Variants in IQSEC1 observed in about 807,000 individuals in gnomAD.
The protein encoded by IQSEC1 is IQ motif and Sec7 domain ArfGEF 1.
Under a neutral mutation model 91.0 loss-of-function variants are expected in IQSEC1, and 31 were observed. That is an observed-to-expected ratio of 0.34 (90% CI 0.26 to 0.46). The LOEUF (loss-of-function observed/expected upper bound fraction) is 0.46. Among genes scored for constraint, IQSEC1 ranks in the 20% least tolerant of loss-of-function variants. The pLI is 1.00. For missense variants in IQSEC1, 1,388 were observed against 1,575.6 expected (o/e 0.88, Z 2.02); for synonymous variants, 699 against 662.6 (o/e 1.05, Z -0.84).
At chr3:12,932,411 C>T (rs1050600625) in intron 3 of IQSEC1, among the ~76,000 whole-genome samples, 2 of 152,202 alleles carry the variant, frequency 1.3e-5, no homozygotes, top group African/African-American at 4.8e-5. Flanking sequence ...CAGGGTGTGA[C>T]GTCCCTAGTC....
Position 13,272,632 on chromosome 3 carries a change from T to A in IQSEC1, c.272+10079A>T, listed in dbSNP as rs188316055. ...CCGCACACCCCTTTTAGGTGGCGGA[T>A]TTTTACACATCTCGATGTCCGGCAA... On this transcript the variant is annotated intron_variant, in intron 1 of 15. Transcript: ENST00000648114. Among the ~76,000 whole-genome samples, 11 of 152,236 alleles carry A rather than the reference T, an allele frequency of 7.2e-5. No homozygotes were observed. The East Asian group carries it at 1.9e-3, about 27-fold the overall frequency.
chr3:13,162,984 C>A (rs1214039141), intron 2 of IQSEC1, among the ~76,000 whole-genome samples: 1 of 152,108 alleles, frequency 6.6e-6, no homozygotes, highest in Non-Finnish European at 1.5e-5. Context: ...TTCACCCCTG[C>A]ACACAGTCCT....
At chr3:13,036,305 T>C (rs1429373297) in intron 1 of IQSEC1, among the ~76,000 whole-genome samples, 1 of 152,176 alleles carries the variant, frequency 6.6e-6, no homozygotes, top group African/African-American at 2.4e-5. Flanking sequence ...TCATTTAACC[T>C]CTCTGCCTTC....
intron 1 of IQSEC1, among the ~76,000 whole-genome samples, chr3:13,068,514 C>T (rs1281980878): frequency 6.6e-6 from 1 of 152,184 alleles, no homozygotes; most frequent in Non-Finnish European, 1.5e-5. Flanking sequence ...GTTGGGAGGC[C>T]CCAATGCAGT....
intron 2 of IQSEC1, among the ~76,000 whole-genome samples, chr3:13,145,500 C>A (rs1227355417): frequency 2.0e-5 from 3 of 152,114 alleles, no homozygotes; most frequent in Admixed American, 2.0e-4. Flanking sequence ...TCACAGAAGC[C>A]CCCATAGGCT....
At chr3:13,155,870 C>T (rs190170753) in intron 2 of IQSEC1, among the ~76,000 whole-genome samples, 2 of 152,194 alleles carry the variant, frequency 1.3e-5, no homozygotes, top group African/African-American at 2.4e-5. Flanking sequence ...AACACATGGC[C>T]ATCTTAATTG....
intron 1 of IQSEC1, among the ~76,000 whole-genome samples, chr3:13,210,591 C>G (rs1371569989): frequency 6.6e-6 from 1 of 152,230 alleles, no homozygotes; most frequent in Non-Finnish European, 1.5e-5. Flanking sequence ...TAGATTATCC[C>G]AATCTACGCA....
chr3:13,272,590 G>A (rs1002023761), intron 1 of IQSEC1, among the ~76,000 whole-genome samples: 6 of 152,190 alleles, frequency 3.9e-5, no homozygotes, highest in African/African-American at 1.4e-4. Context: ...GGGTCAAAGG[G>A]GATGGTCAGA....
rs142552835 is a variant in IQSEC1, at chr3:13,251,751, C to A, written c.272+30960G>T. On this transcript the variant is annotated intron_variant, in intron 1 of 15. Coordinates refer to the IQSEC1 transcript ENST00000648114. ...AATATTCTAATGAGACAGTCAATGT[C>A]CAAAAGAAGACTCCTGACAGGAGGG... Among the ~76,000 whole-genome samples the A allele has an allele frequency of 4.7e-3, 710 of 152,270 alleles. 5 individuals are homozygous for A. The highest frequency in any genetic ancestry group is 0.01 in the Middle Eastern group (3 of 294).
At chr3:12,938,489 G>GATCAAAATGA (rs1698437854) in intron 2 of IQSEC1, among the ~76,000 whole-genome samples, 1 of 152,186 alleles carries the variant, frequency 6.6e-6, no homozygotes, top group Non-Finnish European at 1.5e-5. Flanking sequence ...GAGGGGAGCA[G>GATCAAAATGA]ATCAAAATGA....
chr3:13,051,681 C>T (rs1294351915), intron 1 of IQSEC1, among the ~76,000 whole-genome samples: 2 of 152,196 alleles, frequency 1.3e-5, no homozygotes, highest in African/African-American at 4.8e-5. Flanking sequence ...CCTGGAGCAA[C>T]AGAAGCTCAG....
chr3:13,115,519 A>T (rs1218032999), intron 2 of IQSEC1, among the ~76,000 whole-genome samples: 1 of 152,176 alleles, frequency 6.6e-6, no homozygotes, highest in Non-Finnish European at 1.5e-5. Flanking sequence ...GCACTTTACC[A>T]TGGTGGCCAT....
chr3:13,194,533 G>A (rs558162656), intron 1 of IQSEC1, among the ~76,000 whole-genome samples: 6 of 152,094 alleles, frequency 3.9e-5, no homozygotes, highest in Admixed American at 6.6e-5. Context: ...CTGTCAAGGC[G>A]CCCCAACTCG....
At chr3:12,939,236 C>A (rs1051352019) in intron 2 of IQSEC1, among the ~76,000 whole-genome samples, 1 of 152,210 alleles carries the variant, frequency 6.6e-6, no homozygotes, top group African/African-American at 2.4e-5. Context: ...GAGTCGACCC[C>A]GTGGCCAGGG....
chr3:13,002,157 C>G (rs917855850), intron 1 of IQSEC1, among the ~76,000 whole-genome samples: 1 of 152,054 alleles, frequency 6.6e-6, no homozygotes, highest in African/African-American at 2.4e-5. Flanking sequence ...ACATTTGGGC[C>G]CATGCTTCCC....
intron 2 of IQSEC1, among the ~76,000 whole-genome samples, chr3:13,102,690 A>G (rs1706085683): frequency 6.6e-6 from 1 of 152,262 alleles, no homozygotes; most frequent in African/African-American, 2.4e-5. Context: ...TGCAGGCCAC[A>G]GGTCCCACCC....
At chr3:13,067,774 C>T (rs923464598) in intron 1 of IQSEC1, among the ~76,000 whole-genome samples, 11 of 152,372 alleles carry the variant, frequency 7.2e-5, no homozygotes, top group Non-Finnish European at 1.0e-4. Context: ...CCCTGGAAAA[C>T]AGGATGGCAC....
chr3:13,202,148 A>G (rs1694256500), intron 1 of IQSEC1, among the ~76,000 whole-genome samples: 1 of 152,196 alleles, frequency 6.6e-6, no homozygotes, highest in African/African-American at 2.4e-5. Flanking sequence ...CAAAAAACAG[A>G]TGCTAACAAT....
chr3:13,061,671 A>C lies in IQSEC1; in HGVS notation c.23+11321T>G, dbSNP rs142645587. Among the ~76,000 whole-genome samples, 540 of 152,256 alleles carry C rather than the reference A, an allele frequency of 3.5e-3. 5 individuals are homozygous for C. Among genetic ancestry groups the C allele is most frequent in the African/African-American group, 0.012 (497 of 41,536 alleles). On this transcript the variant is annotated intron_variant, in intron 1 of 13. Coordinates refer to ENST00000613206, the MANE Select transcript of IQSEC1 (RefSeq NM_001134382.3). Reference sequence around the variant, plus strand: ...GGCCTCCCTGGTGCCTAAGCCAGGGATCTGGCTGCCCTGGGCCTCTGCACA... The same window carrying C: ...GGCCTCCCTGGTGCCTAAGCCAGGGCTCTGGCTGCCCTGGGCCTCTGCACA...
Sources: gnomAD v4.1 joint callset for allele counts (sites outside exome capture counted in the v4.1 genomes callset) on GRCh38, gnomAD v4.1.1 for gene constraint, MANE v1.5 for transcripts, NCBI Gene and HGNC (gene_info 2026-07-23, HGNC 2026-07-21) for gene names.